SAMD3: variants seen among roughly 807,000 people sequenced by gnomAD.
SAMD3 encodes sterile alpha motif domain containing 3.
A neutral mutation model predicts 58.5 loss-of-function variants in SAMD3; 63 were observed. The ratio of observed to expected loss-of-function variants is 1.08; its 90% CI spans 0.88 to 1.33. The LOEUF (loss-of-function observed/expected upper bound fraction) is 1.33. Among genes scored for constraint, SAMD3 ranks in the 40% most tolerant of loss-of-function variants. SAMD3 has a pLI of 0.00. For synonymous variants in SAMD3, 220 were observed against 210.3 expected, an observed-to-expected ratio of 1.05 and a Z score of -0.40; for missense variants, 604 against 608.4, an observed-to-expected ratio of 0.99 and a Z score of 0.08.
intron 2 of SAMD3, among the ~76,000 whole-genome samples, chr6:130,216,090 C>A (rs887577142): frequency 1.8e-5 from 1 of 56,468 alleles, no homozygotes; most frequent in African/African-American, 1.2e-4. Context: ...GTGAAAGAAG[C>A]GTAGGCAAGT....
chr6:130,206,828 A>G (rs942956990), intron 5 of SAMD3, among the ~76,000 whole-genome samples: 1 of 152,138 alleles, frequency 6.6e-6, no homozygotes, highest in Admixed American at 6.5e-5. Flanking sequence ...GTGAGATGCC[A>G]TTAAGTGTGG....
chr6:130,257,073 C>A (rs996544084), intron 2 of SAMD3, among the ~76,000 whole-genome samples: 4 of 152,066 alleles, frequency 2.6e-5, no homozygotes, highest in African/African-American at 4.8e-5. Flanking sequence ...CTTTAAGAGA[C>A]AATTAAGCCT....
At chr6:130,224,278 G>A (rs1796322916), upstream of SAMD3, among the ~76,000 whole-genome samples, 1 of 152,110 alleles carries the variant, frequency 6.6e-6, no homozygotes, top group African/African-American at 2.4e-5. Context: ...GGATGGGGGT[G>A]TGGCGGGCCA....
intron 1 of SAMD3, among the ~76,000 whole-genome samples, chr6:130,342,062 G>A (rs938166983): frequency 1.3e-5 from 2 of 152,126 alleles, no homozygotes; most frequent in Non-Finnish European, 2.9e-5. Flanking sequence ...TGGTTAGTTG[G>A]GTGGTCCACA....
At chr6:130,179,031 AT>A (rs5880006) in intron 7 of SAMD3, among the ~76,000 whole-genome samples, 14,517 of 152,088 alleles carry the variant, frequency 0.095, 1,095 homozygotes, top group African/African-American at 0.21. Flanking sequence ...AGTATAGTAC[AT>A]TTTTTTTCCA....
intron 1 of SAMD3, among the ~76,000 whole-genome samples, chr6:130,318,424 T>A (rs190544048): frequency 0.029 from 4,376 of 150,664 alleles, 80 homozygotes; most frequent in Non-Finnish European, 0.04. Context: ...AATAAAAAAA[T>A]TTTTTTTTTA....
chr6:130,278,361 C>T (rs1774858083), intron 2 of SAMD3, among the ~76,000 whole-genome samples: 1 of 152,178 alleles, frequency 6.6e-6, no homozygotes, highest in Admixed American at 6.5e-5. Context: ...CTCCAGCCTC[C>T]TGCATAGCCA....
intron 1 of SAMD3, among the ~76,000 whole-genome samples, chr6:130,350,627 C>T (rs1222657834): frequency 3.9e-5 from 6 of 152,118 alleles, no homozygotes; most frequent in African/African-American, 1.2e-4. Context: ...GAATCAGTAT[C>T]GTGAAAATGG....
intron 1 of SAMD3, among the ~76,000 whole-genome samples, chr6:130,317,006 G>C (rs1176585106): frequency 6.6e-6 from 1 of 152,168 alleles, no homozygotes; most frequent in Non-Finnish European, 1.5e-5. Context: ...AGAGCAGACT[G>C]CACATCAGGC....
intron 2 of SAMD3, among the ~76,000 whole-genome samples, chr6:130,233,403 T>C (rs1375636021): frequency 6.6e-6 from 1 of 152,224 alleles, no homozygotes; most frequent in Non-Finnish European, 1.5e-5. Context: ...TAGTGATCAT[T>C]GATGCTTTGG....
At chr6:130,355,162 G>A (rs1224555685) in intron 1 of SAMD3, among the ~76,000 whole-genome samples, 1 of 152,134 alleles carries the variant, frequency 6.6e-6, no homozygotes, top group African/African-American at 2.4e-5. Context: ...GGTGGCTCAC[G>A]CCTGTGATCC....
At chr6:130,289,460 T>G (rs1775286277) in intron 2 of SAMD3, among the ~76,000 whole-genome samples, 3 of 151,188 alleles carry the variant, frequency 2.0e-5, no homozygotes, top group African/African-American at 4.9e-5. Flanking sequence ...TAAGCGGCAC[T>G]TATTTATTTG....
chr6:130,181,844 A>T (rs1792357339), intron 7 of SAMD3, among the ~76,000 whole-genome samples: 1 of 152,038 alleles, frequency 6.6e-6, no homozygotes, highest in African/African-American at 2.4e-5. Flanking sequence ...GTAAATGTAA[A>T]TTTAAAAAAA....
intron 11 of SAMD3, 37 bp downstream of exon 11, chr6:130,145,302 TA>T: frequency 1.0e-6 from 1 of 993,704 alleles, no homozygotes; most frequent in Non-Finnish European, 1.5e-6. Context: ...CATGAAGATG[TA>T]AAATGTCAAA....
chr6:130,195,374 C>T (rs928789677), intron 5 of SAMD3, among the ~76,000 whole-genome samples: 4 of 152,146 alleles, frequency 2.6e-5, no homozygotes, highest in Admixed American at 6.5e-5. Context: ...TGTTATCACT[C>T]GCCTGCTACA....
chr6:130,305,703 T>C (rs1775891280), intron 2 of SAMD3, among the ~76,000 whole-genome samples: 1 of 152,212 alleles, frequency 6.6e-6, no homozygotes, highest in African/African-American at 2.4e-5. Flanking sequence ...ATGCAATGTG[T>C]TGATTGATCT....
intron 2 of SAMD3, among the ~76,000 whole-genome samples, chr6:130,261,567 A>G (rs1774140403): frequency 6.6e-6 from 1 of 151,924 alleles, no homozygotes; most frequent in African/African-American, 2.4e-5. Flanking sequence ...TGCCCTTTTT[A>G]CCCATTCTTT....
chr6:130,202,696 T>C (rs1011996941), intron 5 of SAMD3, among the ~76,000 whole-genome samples: 5 of 152,206 alleles, frequency 3.3e-5, no homozygotes, highest in African/African-American at 9.7e-5. Context: ...AAAGCCTACA[T>C]TACTACATTA....
At chr6:130,192,933 C>T (rs756373185) in intron 5 of SAMD3, among the ~76,000 whole-genome samples, 19 of 152,242 alleles carry the variant, frequency 1.2e-4, no homozygotes, top group Admixed American at 2.0e-4. Flanking sequence ...TCAATCTTGG[C>T]GCCACACTTC....
Sources: gnomAD v4.1 joint callset for allele counts (sites outside exome capture counted in the v4.1 genomes callset) on GRCh38, gnomAD v4.1.1 for gene constraint, MANE v1.5 for transcripts, NCBI Gene and HGNC (gene_info 2026-07-23, HGNC 2026-07-21) for gene names.